EML6: variants seen among roughly 807,000 people sequenced by gnomAD.
The protein encoded by EML6 is EMAP like 6.
Under a neutral mutation model 240.1 loss-of-function variants are expected in EML6, and 154 were observed. That is an observed-to-expected ratio of 0.64 (90% CI 0.56 to 0.73). The LOEUF is 0.73. Among genes scored for constraint, EML6 ranks in the 30% least tolerant of loss-of-function variants. The probability of loss-of-function intolerance (pLI) is 0.00; values close to 1 mark genes in which losing one functional copy is unlikely to be tolerated. For synonymous variants in EML6, 1,148 were observed against 899.0 expected (o/e 1.28, Z -4.95); for missense variants, 2,964 against 2,474.6 (o/e 1.20, Z -4.20).
At chr2:54,923,204 G>C (rs1224825758) in intron 26 of EML6, among the ~76,000 whole-genome samples, 2 of 152,112 alleles carry the variant, frequency 1.3e-5, no homozygotes, top group African/African-American at 2.4e-5. Context: ...GCCTCCCAAA[G>C]TGCTGGGATT....
intron 2 of EML6, among the ~76,000 whole-genome samples, chr2:54,740,875 C>T (rs1374517896): frequency 1.3e-5 from 2 of 152,106 alleles, no homozygotes; most frequent in African/African-American, 2.4e-5. Flanking sequence ...CTTTGCAGGT[C>T]ATCTTTCTTG....
chr2:54,893,680 C>T (rs1051924002), intron 19 of EML6, among the ~76,000 whole-genome samples: 4 of 152,218 alleles, frequency 2.6e-5, no homozygotes, highest in Admixed American at 6.5e-5. Flanking sequence ...AGTACCACTT[C>T]ATCTGTGCCC....
At chr2:54,926,658 A>T (rs1268618147) in intron 26 of EML6, among the ~76,000 whole-genome samples, 1 of 152,204 alleles carries the variant, frequency 6.6e-6, no homozygotes, top group East Asian at 1.9e-4. Flanking sequence ...GCAACTGTCA[A>T]TTCCCTTTAT....
At chr2:54,849,855 G>T in intron 9 of EML6, 107 bp from the exon 10 acceptor site, 2 of 843,454 alleles carry the variant, frequency 2.4e-6, no homozygotes, top group East Asian at 2.7e-5. Flanking sequence ...AATTCCTGCA[G>T]GTTTGGTTCT....
rs532103656 is a variant in EML6, at chr2:54,910,663, A to G, written c.3410-291A>G. 1.5e-3 allele frequency among the ~76,000 whole-genome samples: 209 copies of G among 142,668 alleles called. 3 individuals are homozygous for G. Among genetic ancestry groups the G allele is most frequent in the African/African-American group, 3.5e-3 (130 of 37,006 alleles). 93.6% of individuals were successfully genotyped at this position (142,668 alleles called of 152,430 possible). A position where few individuals can be genotyped will look rare whatever the true frequency, so the allele number is the denominator to read the frequency against. On this transcript the variant is annotated intron_variant, in intron 24 of 41. Transcript: ENST00000356458. ...GATTTTTCTCAGGCTTTGGAAAACT[A>G]TATTTTCAGTGCAGCATATCAATAA...
intron 19 of EML6, among the ~76,000 whole-genome samples, chr2:54,893,936 C>G (rs1388889866): frequency 6.6e-6 from 1 of 151,988 alleles, no homozygotes; most frequent in African/African-American, 2.4e-5. Flanking sequence ...TCTGTAGGCC[C>G]AGAAGTAGAT....
At chr2:54,729,710 T>C (rs1683071622) in intron 2 of EML6, among the ~76,000 whole-genome samples, 1 of 152,370 alleles carries the variant, frequency 6.6e-6, no homozygotes, top group Admixed American at 6.5e-5. Flanking sequence ...CTGTGCCTTC[T>C]TCCTAACCAG....
At chr2:54,964,370 T>G (rs181068368) in intron 37 of EML6, among the ~76,000 whole-genome samples, 1 of 152,382 alleles carries the variant, frequency 6.6e-6, no homozygotes, top group Non-Finnish European at 1.5e-5. Flanking sequence ...CTTGTAAATG[T>G]CATTCTACAT....
chr2:54,912,931 G>C (rs1673716588), intron 25 of EML6, among the ~76,000 whole-genome samples: 1 of 152,108 alleles, frequency 6.6e-6, no homozygotes, highest in Non-Finnish European at 1.5e-5. Context: ...ACCCAGTAAT[G>C]GTATTGCTGA....
rs1337204923 is a variant in EML6, at chr2:54,725,531, T to C, written c.197+273T>C. Among the ~76,000 whole-genome samples the C allele has an allele frequency of 6.6e-6, 1 of 152,246 alleles. No individual in the cohort carries two copies. The highest frequency in any genetic ancestry group is 2.4e-5 in the African/African-American group (1 of 41,460). On this transcript the variant is annotated intron_variant, in intron 2 of 41. Transcript: ENST00000356458. This position sits in a 1 kb window ranked among gnomAD's most constrained non-coding sequence, Gnocchi z 4.3. ...GTTGAGTGTTCTGATGCTTTCTTGC[T>C]GTTCTTTCCTGCTACAAGTGGAAGG...
chr2:54,777,372 T>A lies in EML6; in HGVS notation c.198-35860T>A, dbSNP rs113954965. On this transcript the variant is annotated intron_variant, in intron 2 of 41. Transcript: ENST00000356458. ...GAGCGTCCTGATGGCTTCTTGACTC[T>A]GAGCTTGGACTTTTATGCTCACTTT... Among the ~76,000 whole-genome samples the A allele has an allele frequency of 3.3e-4, 50 of 152,364 alleles. 1 individual carries two copies. Among genetic ancestry groups the A allele is most frequent in the African/African-American group, 1.1e-3 (44 of 41,578 alleles).
intron 16 of EML6, among the ~76,000 whole-genome samples, chr2:54,872,377 A>C (rs969570298): frequency 1.3e-5 from 2 of 152,228 alleles, no homozygotes; most frequent in Non-Finnish European, 2.9e-5. Flanking sequence ...ATGCTTAATA[A>C]GTATAACGTG....
intron 17 of EML6, among the ~76,000 whole-genome samples, chr2:54,886,422 A>T (rs4671987): frequency 0.19 from 28,680 of 151,996 alleles, 2,897 homozygotes; most frequent in South Asian, 0.37. Flanking sequence ...CGCCCACCTC[A>T]GCCCCCCAGA....
At chr2:54,859,272 A>AG (rs1315715347) in intron 11 of EML6, among the ~76,000 whole-genome samples, 3 of 152,242 alleles carry the variant, frequency 2.0e-5, no homozygotes, top group African/African-American at 7.2e-5. Context: ...TCAGTGAAGC[A>AG]GTAGGCATTA....
Position 54,859,649 on chromosome 2 carries a change from G to C in EML6, c.1773G>C (p.Trp591Cys). Residue 591 changes from tryptophan to cysteine, a missense_variant, in exon 12 of 42, where the codon TGG becomes TGC. By Grantham distance (215) the Trp-to-Cys change is radical (BLOSUM62 -2). Transcript: ENST00000356458. ...GGGCTGATCACTCAGTTTTCCAGTG[G>C]AGGTTTATTCCAGAAGGTGTCAGCA... The part of the protein sequence containing the change: ...TGGADHSVFQ[W>C]RFIPEGVSNG... 1.9e-6 allele frequency: 3 copies of C among 1,551,094 alleles called. No individual in the cohort carries two copies. Among genetic ancestry groups the C allele is most frequent in the Non-Finnish European group, 2.6e-6 (3 of 1,146,832 alleles).
At chr2:54,925,090 A>AG (rs1387238333) in intron 26 of EML6, among the ~76,000 whole-genome samples, 1 of 152,184 alleles carries the variant, frequency 6.6e-6, no homozygotes, top group Non-Finnish European at 1.5e-5. Flanking sequence ...CATTTAGGGA[A>AG]GTAACTAAGA....
rs1357243822 is a variant in EML6 at position 54,850,229 on chromosome 2, T to C, written c.1444+11T>C. 6.5e-7 allele frequency: 1 copy of C among 1,548,486 alleles called. No homozygotes were observed. Among genetic ancestry groups the C allele is most frequent in the African/African-American group, 1.4e-5 (1 of 72,994 alleles). ...TCTACAGAATGCCATGTAAGTCATG[T>C]GGAGGCCTTGGATGTTTCTGGAAAG... On this transcript the variant is annotated intron_variant, in intron 10 of 41. Coordinates refer to ENST00000356458, the MANE Select transcript of EML6 (RefSeq NM_001039753.4).
chr2:54,954,298 G>C (rs1247071825), intron 32 of EML6, 142 bp downstream of exon 32: 6 of 727,462 alleles, frequency 8.2e-6, no homozygotes, highest in South Asian at 2.1e-5. Flanking sequence ...CAGGGCACTG[G>C]GGATCCTGGT....
intron 24 of EML6, among the ~76,000 whole-genome samples, chr2:54,906,347 T>TA (rs1673328337): frequency 6.6e-6 from 1 of 152,136 alleles, no homozygotes; most frequent in African/African-American, 2.4e-5. Flanking sequence ...AAGTCCCAGA[T>TA]AGAAAGCACA....
Sources: gnomAD v4.1 joint callset for allele counts (sites outside exome capture counted in the v4.1 genomes callset) on GRCh38, gnomAD v4.1.1 for gene constraint, Gnocchi (gnomAD v3.1) non-coding constraint, MANE v1.5 for transcripts, NCBI Gene and HGNC (gene_info 2026-07-23, HGNC 2026-07-21) for gene names.